Variants in EVL observed in about 807,000 individuals in gnomAD.
EVL encodes the protein Enah/Vasp-like.
Under a neutral mutation model 59.6 loss-of-function variants are expected in EVL, and 21 were observed. The ratio of observed to expected loss-of-function variants is 0.35; its 90% confidence interval spans 0.25 to 0.51. EVL has a LOEUF of 0.51. Ranked by LOEUF, EVL falls within the 20% of genes least tolerant of loss-of-function variation. EVL has a pLI of 0.97. For synonymous variants in EVL, 198 were observed against 203.5 expected, an observed-to-expected ratio of 0.97 and a Z score of 0.23; for missense variants, 462 against 546.6, an observed-to-expected ratio of 0.85 and a Z score of 1.54.
At chr14:100,036,452 A>G (rs2061389751) in intron 1 of EVL, among the ~76,000 whole-genome samples, 1 of 152,198 alleles carries the variant, frequency 6.6e-6, no homozygotes, top group Admixed American at 6.5e-5. Context: ...AGCCAAGAGA[A>G]AGGGAAGTAG....
At chr14:100,112,172 T>C (rs999848127) in intron 3 of EVL, among the ~76,000 whole-genome samples, 5 of 152,194 alleles carry the variant, frequency 3.3e-5, no homozygotes, top group African/African-American at 7.2e-5. Flanking sequence ...CTCAAATATT[T>C]TGGTAGATAA....
rs546513595 is a variant in EVL, at chr14:100,117,672, C to T, written c.359-5867C>T. Among the ~76,000 whole-genome samples, 7 of 152,338 alleles carry T rather than the reference C, an allele frequency of 4.6e-5. No individual in the cohort carries two copies. The South Asian group carries it at 1.4e-3, about 32-fold the overall frequency. On this transcript the variant is annotated intron_variant, in intron 3 of 13. Transcript: ENST00000392920. ...AGGCTAAACGAGGTGGTGTCTGAGT[C>T]TCTGGCACAGGATCTAGTACGTAGT...
rs145615021 is a variant in EVL, at chr14:100,038,267, A to T, written c.6-46420A>T. Among the ~76,000 whole-genome samples the T allele has an allele frequency of 1.2e-4, 18 of 152,388 alleles. No individual in the cohort carries two copies. In the East Asian group the frequency reaches 3.5e-3, roughly 29 times the overall value. ...TCTGAAGAAGTTGTGGCAAGTGGACAGAATTGCTAAGCATGGACAAAGCAA... is the reference window on the plus strand; with the variant it reads ...TCTGAAGAAGTTGTGGCAAGTGGACTGAATTGCTAAGCATGGACAAAGCAA... On this transcript the variant is annotated intron_variant, in intron 1 of 13. Transcript: ENST00000402714.
intron 1 of EVL, among the ~76,000 whole-genome samples, chr14:100,023,134 A>G (rs2061153962): frequency 6.6e-6 from 1 of 151,262 alleles, no homozygotes; most frequent in Middle Eastern, 3.2e-3. Flanking sequence ...CTATTGTTCT[A>G]CCACCAGGCA....
intron 1 of EVL, among the ~76,000 whole-genome samples, chr14:100,050,410 C>T (rs1256811261): frequency 1.2e-4 from 18 of 149,072 alleles, no homozygotes; most frequent in Admixed American, 3.3e-4. Context: ...AGTGCAGTGG[C>T]GCGATCTCGG....
At chr14:100,066,015 T>C (rs2061923187) in intron 1 of EVL, among the ~76,000 whole-genome samples, 1 of 152,226 alleles carries the variant, frequency 6.6e-6, no homozygotes, top group Non-Finnish European at 1.5e-5. Context: ...GCTATTGCTG[T>C]TGAGCACATG....
chr14:100,015,993 C>A (rs1240100342), intron 1 of EVL, among the ~76,000 whole-genome samples: 1 of 151,488 alleles, frequency 6.6e-6, no homozygotes, highest in African/African-American at 2.4e-5. Flanking sequence ...GCACAAGAAT[C>A]ACATGAACCT....
intron 1 of EVL, among the ~76,000 whole-genome samples, chr14:100,076,050 A>G (rs188885617): frequency 6.6e-6 from 1 of 152,242 alleles, no homozygotes; most frequent in Non-Finnish European, 1.5e-5. Context: ...AGCAATGACA[A>G]TGTGAGCTTT....
At position 100,142,935 on chromosome 14, in the gene EVL, C is replaced by T. The variant is rs180922232; in HGVS notation, c.1220-766C>T. Among the ~76,000 whole-genome samples the T allele has an allele frequency of 2.7e-4, 41 of 151,796 alleles. No individual in the cohort carries two copies. The East Asian group carries it at 7.8e-3, about 29-fold the overall frequency. On this transcript the variant is annotated intron_variant, in intron 13 of 13. Transcript: ENST00000392920. ...GTGGAACCCACCCTGGCTGAGAGCCCGGGGGTAGGCATGGGCCATACCAGG... is the reference window on the plus strand; with the variant it reads ...GTGGAACCCACCCTGGCTGAGAGCCTGGGGGTAGGCATGGGCCATACCAGG...
intron 1 of EVL, among the ~76,000 whole-genome samples, chr14:99,985,557 C>T (rs1274666847): frequency 1.3e-5 from 2 of 151,880 alleles, no homozygotes; most frequent in Non-Finnish European, 2.9e-5. Context: ...CACCTGAGGT[C>T]GGGAGTTCGT....
chr14:99,972,637 G>GC lies in EVL; in HGVS notation c.5+585dup, dbSNP rs562687476. Among the ~76,000 whole-genome samples, 41 of 151,970 alleles carry GC rather than the reference G, an allele frequency of 2.7e-4. No homozygotes were observed. Among genetic ancestry groups the GC allele is most frequent in the Non-Finnish European group, 4.4e-4 (30 of 67,980 alleles). On this transcript the variant is annotated intron_variant, in intron 1 of 13. Coordinates refer to the EVL transcript ENST00000402714. This position sits in a 1 kb window ranked among gnomAD's most constrained non-coding sequence, Gnocchi z 4.4. Reference sequence around the variant, plus strand: ...TTCTTGCACGCCAGTAAAGTGCAAGGCCCCCAAATGTACCGCTCGTTGATG... The same window carrying GC: ...TTCTTGCACGCCAGTAAAGTGCAAGGCCCCCCAAATGTACCGCTCGTTGATG...
rs372642656 is a variant in EVL, at chr14:100,091,902, A to T, written c.181-5579A>T. On this transcript the variant is annotated intron_variant, in intron 2 of 13. Coordinates refer to ENST00000392920, the MANE Select transcript of EVL (RefSeq NM_016337.3). ...GAATTATAGAGGACACTTGACGTCT[A>T]CTTGAGAATCTGCAGAATTGCTTGC... is the stretch of plus-strand genomic sequence containing the variant. Among the ~76,000 whole-genome samples the T allele has an allele frequency of 3.7e-4, 57 of 152,270 alleles. No individual in the cohort carries two copies. The East Asian group carries it at 0.01, about 28-fold the overall frequency.
intron 1 of EVL, among the ~76,000 whole-genome samples, chr14:100,006,811 C>CAAAAAAAAA (rs56007744): frequency 7.8e-6 from 1 of 127,892 alleles, no homozygotes; most frequent in African/African-American, 2.7e-5. Flanking sequence ...AGTAAAACAT[C>CAAAAAAAAA]AAAAAAAAAA....
At chr14:100,053,239 C>A (rs1404761266) in intron 1 of EVL, among the ~76,000 whole-genome samples, 5 of 152,130 alleles carry the variant, frequency 3.3e-5, no homozygotes, top group African/African-American at 1.2e-4. Flanking sequence ...GCTTTTAATT[C>A]TGCTGTCTTA....
chr14:100,143,579 C>T (rs1381909360), intron 13 of EVL, 122 bp from the exon 14 acceptor site: 1 of 1,215,288 alleles, frequency 8.2e-7, no homozygotes, highest in East Asian at 2.5e-5. Flanking sequence ...CTGGGTGGGG[C>T]TCCCAGGAGA....
chr14:100,097,374 A>G, intron 2 of EVL, 107 bp from the exon 3 acceptor site: 1 of 977,736 alleles, frequency 1.0e-6, no homozygotes, highest in Non-Finnish European at 1.5e-6. Flanking sequence ...CCCCATCCCC[A>G]TCTTCCTGTC....
chr14:100,134,587 G>C (rs1888649146), intron 8 of EVL: 1 of 152,280 alleles, frequency 6.6e-6, no homozygotes, highest in South Asian at 2.1e-4. Context: ...GTGGGAGGGA[G>C]AGAGGCTGAT....
At position 100,115,254 on chromosome 14, in the gene EVL, G is replaced by A. The variant is rs916971940; in HGVS notation, c.359-8285G>A. Among the ~76,000 whole-genome samples, 10 of 152,192 alleles carry A rather than the reference G, an allele frequency of 6.6e-5. No homozygotes were observed. The East Asian group carries it at 1.7e-3, about 26-fold the overall frequency. On this transcript the variant is annotated intron_variant, in intron 3 of 13. Transcript: ENST00000392920. Reference sequence around the variant, plus strand: ...AGTGGGCCCAAACAGTGGGGGTGGGGTGTCCTGGCCTGGAAGCTGGAGACT... The same window carrying A: ...AGTGGGCCCAAACAGTGGGGGTGGGATGTCCTGGCCTGGAAGCTGGAGACT...
Position 100,129,547 on chromosome 14 carries a change from C to A in EVL, c.718-16C>A. ...ATCAGCAGCAGAATCTAAAACGCGG[C>A]CTCCTTTTTCCTCAGCCAGAAGACG... On this transcript the variant is annotated splice_polypyrimidine_tract_variant and intron_variant, in intron 6 of 13. Transcript: ENST00000392920. 1 of 1,613,024 alleles carries A rather than the reference C, an allele frequency of 6.2e-7. No individual in the cohort carries two copies. Among genetic ancestry groups the A allele is most frequent in the African/African-American group, 1.3e-5 (1 of 75,050 alleles).
Sources: gnomAD v4.1 joint callset for allele counts (sites outside exome capture counted in the v4.1 genomes callset) on GRCh38, gnomAD v4.1.1 for gene constraint, Gnocchi (gnomAD v3.1) non-coding constraint, MANE v1.5 for transcripts, NCBI Gene and HGNC (gene_info 2026-07-23, HGNC 2026-07-21) for gene names.